Variants in ACBD5 observed in about 807,000 individuals in gnomAD.
ACBD5 encodes acyl-CoA binding domain containing 5.
Under a neutral mutation model 71.8 loss-of-function variants are expected in ACBD5, and 40 were observed. The ratio of observed to expected loss-of-function variants is 0.56; its 90% CI spans 0.43 to 0.72. The LOEUF is 0.72. Ranked by LOEUF, ACBD5 falls within the 30% of genes least tolerant of loss-of-function variation. The pLI is 0.00. For synonymous variants in ACBD5, 229 were observed against 218.6 expected (o/e 1.05, Z -0.42); for missense variants, 559 against 644.5 (o/e 0.87, Z 1.44).
chr10:27,218,270 C>T, intron 6 of ACBD5, 87 bp from the exon 7 acceptor site: 1 of 1,050,574 alleles, frequency 9.5e-7, no homozygotes, highest in Non-Finnish European at 1.5e-6. Flanking sequence ...CTGTTATTTC[C>T]CTAACCTACC....
chr10:27,214,798 C>A (rs1243363126), intron 8 of ACBD5, among the ~76,000 whole-genome samples: 8 of 152,162 alleles, frequency 5.3e-5, no homozygotes, highest in Non-Finnish European at 1.5e-5. Context: ...GTAATCCCGG[C>A]ATTTTGGGAG....
chr10:27,212,023 A>G (rs2061137290), intron 8 of ACBD5, among the ~76,000 whole-genome samples: 1 of 152,112 alleles, frequency 6.6e-6, no homozygotes, highest in Non-Finnish European at 1.5e-5. Context: ...GTGGGTGGTG[A>G]GCAACGACCA....
intron 10 of ACBD5, among the ~76,000 whole-genome samples, chr10:27,207,505 C>A (rs1001444625): frequency 6.6e-6 from 1 of 152,090 alleles, no homozygotes; most frequent in African/African-American, 2.4e-5. Context: ...TTAATCCCTA[C>A]AAATACTTCT....
At chr10:27,194,612 AAATAAT>A (rs60916474), downstream of ACBD5, among the ~76,000 whole-genome samples, 202 of 135,582 alleles carry the variant, frequency 1.5e-3, 1 homozygote, top group Middle Eastern at 3.6e-3. Flanking sequence ...ACTCCATCTC[AAATAAT>A]AATAATAATA....
intron 12 of ACBD5, among the ~76,000 whole-genome samples, chr10:27,203,880 T>A (rs1241747144): frequency 6.6e-6 from 1 of 152,150 alleles, no homozygotes; most frequent in Admixed American, 6.6e-5. Flanking sequence ...CAAGTAATCC[T>A]CCTGCTTCGC....
At chr10:27,205,292 A>G (rs1392011511) in intron 10 of ACBD5, 44 bp from the exon 11 acceptor site, 1 of 1,573,986 alleles carries the variant, frequency 6.4e-7, no homozygotes, top group East Asian at 2.3e-5. Context: ...AAAAATGAAA[A>G]ACACAGTAAT....
At position 27,200,952 on chromosome 10, in the gene ACBD5, T is replaced by G. The variant is rs897394400; in HGVS notation, c.1565+3488A>C. ...CAAGAAAGGCTGAGGTGGGAGGATC[T>G]CTTGAGGGCAGGAGTTCAAGACTAG... On this transcript the variant is annotated intron_variant, in intron 12 of 12. Coordinates refer to ENST00000396271, the MANE Select transcript of ACBD5 (RefSeq NM_145698.5). Among the ~76,000 whole-genome samples the G allele has an allele frequency of 7.3e-5, 11 of 151,694 alleles. No individual in the cohort carries two copies. The East Asian group carries it at 1.7e-3, about 24-fold the overall frequency.
At position 27,240,639 on chromosome 10, in the gene ACBD5, C is replaced by T. The variant is rs1173692571; in HGVS notation, c.15+35G>A. On this transcript the variant is annotated intron_variant, in intron 1 of 12. Coordinates refer to ENST00000396271, the MANE Select transcript of ACBD5 (RefSeq NM_145698.5). The surrounding 1 kb of genome is among the most constrained non-coding windows in gnomAD (Gnocchi z 4.1). Reference sequence around the variant, plus strand: ...CTCCCCCGGGGCGTGACTAAGGCCACGAATCCGGCCCGCGACGACAGCAAA... The same window carrying T: ...CTCCCCCGGGGCGTGACTAAGGCCATGAATCCGGCCCGCGACGACAGCAAA... 61 of 1,551,116 alleles carry T rather than the reference C, an allele frequency of 3.9e-5. No individual in the cohort carries two copies. Among genetic ancestry groups the T allele is most frequent in the Non-Finnish European group, 5.2e-5 (60 of 1,146,952 alleles).
At chr10:27,189,428 G>A (rs1007792007) in intron 13 of ACBD5, among the ~76,000 whole-genome samples, 6 of 152,168 alleles carry the variant, frequency 3.9e-5, no homozygotes, top group Admixed American at 3.9e-4. Context: ...ATTGCTTGAG[G>A]CCAGGAGTTA....
Position 27,240,263 on chromosome 10 carries a change from G to C in ACBD5, c.181+56C>G, listed in dbSNP as rs2065307085. 2 of 1,613,504 alleles carry C rather than the reference G, an allele frequency of 1.2e-6. No homozygotes were observed. Among genetic ancestry groups the C allele is most frequent in the African/African-American group, 2.7e-5 (2 of 74,912 alleles). ...ACAACACTAGAACCAGAAAGTGAAA[G>C]GGGGCTTTGGGGCTCTCTGCAGGAG... On this transcript the variant is annotated intron_variant, in intron 2 of 12. Coordinates refer to ENST00000396271, the MANE Select transcript of ACBD5 (RefSeq NM_145698.5). This position sits in a 1 kb window ranked among gnomAD's most constrained non-coding sequence, Gnocchi z 4.1.
chr10:27,207,566 G>T (rs1251410635), intron 10 of ACBD5, among the ~76,000 whole-genome samples: 1 of 152,118 alleles, frequency 6.6e-6, no homozygotes, highest in Non-Finnish European at 1.5e-5. Context: ...TTTGCAGCTA[G>T]GTCAGACAGT....
chr10:27,234,211 T>C (rs565248862), intron 3 of ACBD5, among the ~76,000 whole-genome samples: 1 of 152,354 alleles, frequency 6.6e-6, no homozygotes, highest in East Asian at 1.9e-4. Flanking sequence ...GGTACCTGTA[T>C]CTATAATTCT....
chr10:27,216,495 C>T (rs932349032), intron 7 of ACBD5, among the ~76,000 whole-genome samples: 19 of 152,048 alleles, frequency 1.2e-4, no homozygotes, highest in African/African-American at 3.4e-4. Context: ...AGGCTGGTCT[C>T]GAACTCCTGA....
intron 8 of ACBD5, 55 bp from the exon 9 acceptor site, chr10:27,211,136 C>T: frequency 1.3e-6 from 2 of 1,572,982 alleles, no homozygotes; most frequent in Non-Finnish European, 8.7e-7. Context: ...TTATACACCA[C>T]AAAGTTTTTA....
intron 12 of ACBD5, 141 bp downstream of exon 12, chr10:27,204,299 A>T: frequency 1.5e-6 from 1 of 672,140 alleles, no homozygotes; most frequent in Non-Finnish European, 2.7e-6. Context: ...AGGCAGTTTC[A>T]GTCTCAGGAT....
Position 27,224,077 on chromosome 10 carries a change from AG to A in ACBD5, c.376-626del, listed in dbSNP as rs139390834. Reference sequence around the variant, plus strand: ...AACTTATAAATTGTGTATTACAGCTAGGGGGCGCAGTGCAATGGCTCACACC... The same window carrying A: ...AACTTATAAATTGTGTATTACAGCTAGGGGCGCAGTGCAATGGCTCACACC... On this transcript the variant is annotated intron_variant, in intron 4 of 12. Transcript: ENST00000396271. 3.8e-3 allele frequency among the ~76,000 whole-genome samples: 569 copies of A among 151,336 alleles called. 5 individuals are homozygous for A. Among genetic ancestry groups the A allele is most frequent in the Non-Finnish European group, 6.2e-3 (422 of 67,838 alleles).
chr10:27,192,843 G>A (rs746836388), downstream of ACBD5, among the ~76,000 whole-genome samples: 4 of 151,588 alleles, frequency 2.6e-5, no homozygotes, highest in East Asian at 2.0e-4. Context: ...GGTGGCGGGC[G>A]CCTGTAATCC....
intron 10 of ACBD5, among the ~76,000 whole-genome samples, chr10:27,207,286 CATA>C (rs10676608): frequency 0.044 from 6,439 of 146,028 alleles, 158 homozygotes; most frequent in African/African-American, 0.068. Flanking sequence ...AAAAAAAACC[CATA>C]ATAATAATAA....
In ACBD5 at chr10:27,196,230, C is replaced by G. The variant is rs560271654; in HGVS notation, c.*1200G>C. The G allele has an allele frequency of 1.8e-5, 8 of 453,848 alleles. No individual in the cohort carries two copies. The highest frequency in any genetic ancestry group is 3.5e-5 in the Non-Finnish European group (8 of 226,780). 28.1% of individuals were successfully genotyped at this position (453,848 alleles called of 1,614,324 possible). The stretch of plus-strand genomic sequence containing the variant: ...AAAAAATTATTTGTTACAAAGACTG[C>G]ATCAAAGAAATCTTCAAAGCACAAG... On this transcript the variant is annotated 3_prime_UTR_variant, in exon 13 of 13. Transcript: ENST00000396271.
Sources: allele counts gnomAD v4.1 joint callset (sites outside exome capture counted in the v4.1 genomes callset), GRCh38; gene constraint gnomAD v4.1.1; non-coding constraint Gnocchi (gnomAD v3.1); transcripts MANE v1.5; gene names NCBI Gene and HGNC (gene_info 2026-07-23, HGNC 2026-07-21).